MAPK14: variants seen among roughly 807,000 people sequenced by gnomAD.
The protein encoded by MAPK14 is mitogen-activated protein kinase 14, also known as CSAID-binding protein.
In MAPK14, 16 loss-of-function variants were observed where a neutral mutation model predicts 49.6. That is an observed-to-expected ratio of 0.32 (90% CI 0.22 to 0.49). The LOEUF is 0.49. MAPK14 is among the 20% of genes least tolerant of loss of function. The pLI, the probability that MAPK14 is intolerant of heterozygous loss-of-function variation, is 0.99. For missense variants in MAPK14, 200 were observed against 441.2 expected (o/e 0.45, Z 4.90); for synonymous variants, 142 against 158.0 (o/e 0.90, Z 0.76).
At chr6:36,075,368 A>G (rs1764488411) in intron 6 of MAPK14, among the ~76,000 whole-genome samples, 1 of 152,148 alleles carries the variant, frequency 6.6e-6, no homozygotes, top group African/African-American at 2.4e-5. Context: ...AGTTTCATGT[A>G]AATGGAATCA....
At chr6:36,104,161 G>A (rs913448393) in intron 10 of MAPK14, among the ~76,000 whole-genome samples, 28 of 152,192 alleles carry the variant, frequency 1.8e-4, no homozygotes, top group Admixed American at 1.8e-3. Flanking sequence ...GAGACAGAGA[G>A]TATGTCATAT....
At chr6:36,061,705 G>A (rs1763828592) in intron 3 of MAPK14, among the ~76,000 whole-genome samples, 2 of 152,174 alleles carry the variant, frequency 1.3e-5, no homozygotes, top group Admixed American at 1.3e-4. Context: ...AAAGTGTCTG[G>A]TTGGGGGAAA....
intron 2 of MAPK14, among the ~76,000 whole-genome samples, chr6:36,055,048 G>A (rs759214348): frequency 3.9e-5 from 6 of 152,246 alleles, no homozygotes; most frequent in Non-Finnish European, 1.5e-5. Context: ...TATTAGGTGA[G>A]TGACTGAAGC....
intron 1 of MAPK14, among the ~76,000 whole-genome samples, chr6:36,050,491 G>GT (rs886498524): frequency 2.6e-5 from 4 of 152,170 alleles, no homozygotes; most frequent in South Asian, 2.1e-4. Flanking sequence ...GTGTGGTGGA[G>GT]TTTCCTAGAG....
intron 10 of MAPK14, among the ~76,000 whole-genome samples, chr6:36,103,709 A>G (rs1765710771): frequency 6.6e-6 from 1 of 152,214 alleles, no homozygotes; most frequent in Non-Finnish European, 1.5e-5. Context: ...CCTGAGGCTC[A>G]TTCCCTGACT....
chr6:36,055,256 C>T (rs1263850655), intron 2 of MAPK14, among the ~76,000 whole-genome samples: 1 of 152,340 alleles, frequency 6.6e-6, no homozygotes, highest in African/African-American at 2.4e-5. Context: ...GAGATCTGTA[C>T]ATTTTAGAAT....
At chr6:36,043,707 G>GA (rs1301404821) in intron 1 of MAPK14, among the ~76,000 whole-genome samples, 2 of 151,376 alleles carry the variant, frequency 1.3e-5, no homozygotes, top group African/African-American at 4.8e-5. Flanking sequence ...GATTCAGTTG[G>GA]AAAAAAAGCC....
intron 1 of MAPK14, among the ~76,000 whole-genome samples, chr6:36,029,820 T>G (rs757944418): frequency 6.6e-6 from 1 of 152,030 alleles, no homozygotes; most frequent in Non-Finnish European, 1.5e-5. Flanking sequence ...TAAAGGAATT[T>G]GCAGCATTTT....
intron 1 of MAPK14, among the ~76,000 whole-genome samples, chr6:36,035,631 T>C (rs1305068912): frequency 6.6e-6 from 1 of 151,968 alleles, no homozygotes; most frequent in Non-Finnish European, 1.5e-5. Context: ...AACAGCCAAT[T>C]TGTGAATGCA....
At chr6:36,070,480 A>C (rs1161746936) in intron 3 of MAPK14, among the ~76,000 whole-genome samples, 10 of 152,224 alleles carry the variant, frequency 6.6e-5, no homozygotes. Context: ...ACATGGACAT[A>C]ATAAACTGCT....
In MAPK14 at chr6:36,028,287, G is replaced by A; in HGVS notation, c.116+14G>A. 2 of 1,595,860 alleles carry A rather than the reference G, an allele frequency of 1.3e-6. No individual in the cohort carries two copies. Among genetic ancestry groups the A allele is most frequent in the Non-Finnish European group, 1.7e-6 (2 of 1,164,066 alleles). On this transcript the variant is annotated intron_variant, in intron 1 of 11. Coordinates refer to ENST00000229794, the MANE Select transcript of MAPK14 (RefSeq NM_139012.3). This position sits in a 1 kb window ranked among gnomAD's most constrained non-coding sequence, Gnocchi z 5.1. ...TGGCTCTGTGTGGTGAGTGTCGCTG[G>A]GCCTGGGGCCGCTGTGGGCAGGGTG...
Position 36,109,018 on chromosome 6 carries a change from C to G in MAPK14, c.*571C>G, listed in dbSNP as rs1165031429. On this transcript the variant is annotated 3_prime_UTR_variant, in exon 12 of 12. Coordinates refer to ENST00000229794, the MANE Select transcript of MAPK14 (RefSeq NM_139012.3). ...AACTTGCTTAGTATGGTTCTCAGATCTTGACAGTATATTTGAAACTGTAAA... is the reference window on the plus strand; with the variant it reads ...AACTTGCTTAGTATGGTTCTCAGATGTTGACAGTATATTTGAAACTGTAAA... 6.5e-6 allele frequency: 1 copy of G among 153,714 alleles called. No homozygotes were observed. Among genetic ancestry groups the G allele is most frequent in the Non-Finnish European group, 1.5e-5 (1 of 68,838 alleles). The allele number at this position is 153,714 out of a possible 1,614,324, so 9.5% of individuals were successfully genotyped here.
intron 3 of MAPK14, among the ~76,000 whole-genome samples, chr6:36,063,819 T>G (rs924429958): frequency 6.6e-6 from 1 of 152,174 alleles, no homozygotes; most frequent in African/African-American, 2.4e-5. Context: ...CCATAGGATG[T>G]GGTTGTACAG....
rs769244915 is a variant in MAPK14 at position 36,107,421 on chromosome 6, A to C, written c.842-34A>C. The C allele has an allele frequency of 6.9e-7, 1 of 1,456,194 alleles. No homozygotes were observed. Among genetic ancestry groups the C allele is most frequent in the Admixed American group, 2.5e-5 (1 of 40,722 alleles). 90.2% of individuals were successfully genotyped at this position (1,456,194 alleles called of 1,614,324 possible). A position where few individuals can be genotyped will look rare whatever the true frequency, so the allele number is the denominator to read the frequency against. On this transcript the variant is annotated intron_variant, in intron 10 of 11. Coordinates refer to ENST00000229794, the MANE Select transcript of MAPK14 (RefSeq NM_139012.3). The surrounding 1 kb of genome is among the most constrained non-coding windows in gnomAD (Gnocchi z 4.3). ...GGCATACTTTTTTGTAACATGTTAA[A>C]AACTCTTTTCCTTCCTGTCTATGGT...
At chr6:36,104,336 C>G (rs1173999383) in intron 10 of MAPK14, among the ~76,000 whole-genome samples, 1 of 152,048 alleles carries the variant, frequency 6.6e-6, no homozygotes, top group Admixed American at 6.5e-5. Context: ...CTGTGAGAAG[C>G]TCTCTTTGAG....
chr6:36,119,217 C>T, the MAPK14 span, among the ~76,000 whole-genome samples: 1 of 152,190 alleles, frequency 6.6e-6, no homozygotes, highest in African/African-American at 2.4e-5. Context: ...CTCCTTCAGC[C>T]ACAATCATTT....
the MAPK14 span, among the ~76,000 whole-genome samples, chr6:36,116,862 T>C: frequency 2.0e-5 from 3 of 152,204 alleles, no homozygotes; most frequent in African/African-American, 7.2e-5. Context: ...CATTCTTGCA[T>C]ATTCTATACA....
At chr6:36,052,884 A>C in intron 2 of MAPK14, 56 bp downstream of exon 2, 1 of 1,507,194 alleles carries the variant, frequency 6.6e-7, no homozygotes, top group Non-Finnish European at 9.1e-7. Flanking sequence ...CTGGGGAAAA[A>C]TGTTTTAATT....
intron 10 of MAPK14, 119 bp downstream of exon 10, chr6:36,102,768 G>A: frequency 3.2e-6 from 5 of 1,544,736 alleles, no homozygotes; most frequent in Non-Finnish European, 4.4e-6. Flanking sequence ...AATCTTGGAA[G>A]GTGATAAATA....
Sources: allele counts gnomAD v4.1 joint callset (sites outside exome capture counted in the v4.1 genomes callset), GRCh38; gene constraint gnomAD v4.1.1; non-coding constraint Gnocchi (gnomAD v3.1); transcripts MANE v1.5; gene names NCBI Gene and HGNC (gene_info 2026-07-23, HGNC 2026-07-21).